PPM1H: variants seen among roughly 807,000 people sequenced by gnomAD.
The protein encoded by PPM1H is protein phosphatase, Mg2+/Mn2+ dependent 1H.
In PPM1H, 27 loss-of-function variants were observed where a neutral mutation model predicts 54.9. The ratio of observed to expected loss-of-function variants is 0.49; its 90% CI spans 0.36 to 0.68. The LOEUF (loss-of-function observed/expected upper bound fraction) is 0.68, where lower values mean the gene tolerates loss of function less well. Ranked by LOEUF, PPM1H falls within the 30% of genes least tolerant of loss-of-function variation. The pLI, the probability that PPM1H is intolerant of heterozygous loss-of-function variation, is 0.00. For missense variants in PPM1H, 596 were observed against 667.8 expected (o/e 0.89, Z 1.19); for synonymous variants, 305 against 270.8 (o/e 1.13, Z -1.24).
chr12:62,723,435 C>A (rs1267154817), intron 5 of PPM1H, among the ~76,000 whole-genome samples: 1 of 151,776 alleles, frequency 6.6e-6, no homozygotes, highest in Non-Finnish European at 1.5e-5. Flanking sequence ...TCCTAAAATT[C>A]ATGTGTTGGC....
chr12:62,782,864 G>A (rs1043411460), intron 4 of PPM1H, among the ~76,000 whole-genome samples: 18 of 152,118 alleles, frequency 1.2e-4, no homozygotes, highest in Non-Finnish European at 2.2e-4. Flanking sequence ...GTCTTACTCT[G>A]ACACCCAGGC....
chr12:62,914,300 G>A (rs975245924), intron 1 of PPM1H, among the ~76,000 whole-genome samples: 5 of 152,214 alleles, frequency 3.3e-5, no homozygotes, highest in Admixed American at 2.6e-4. Context: ...AGTGGAAGCA[G>A]CCAGAGGCTT....
At chr12:62,864,363 G>T (rs1357694041) in intron 1 of PPM1H, among the ~76,000 whole-genome samples, 6 of 152,128 alleles carry the variant, frequency 3.9e-5, no homozygotes, top group African/African-American at 1.4e-4. Flanking sequence ...ATCAGAAATA[G>T]GCATTATATT....
chr12:62,828,671 C>T (rs1438526371), intron 2 of PPM1H, among the ~76,000 whole-genome samples: 1 of 152,198 alleles, frequency 6.6e-6, no homozygotes, highest in Non-Finnish European at 1.5e-5. Context: ...ATCCAGTTCT[C>T]AGTACATAGC....
At chr12:62,846,056 G>C (rs573467560) in intron 1 of PPM1H, among the ~76,000 whole-genome samples, 123 of 152,154 alleles carry the variant, frequency 8.1e-4, no homozygotes, top group Non-Finnish European at 1.4e-3. Flanking sequence ...CATCCAGCAG[G>C]CACCAATATT....
chr12:62,890,225 C>T (rs1052889003), intron 1 of PPM1H, among the ~76,000 whole-genome samples: 3 of 152,152 alleles, frequency 2.0e-5, no homozygotes, highest in Admixed American at 6.5e-5. Flanking sequence ...CTTTAGGAGG[C>T]TGAAGTAGAA....
At chr12:62,789,479 A>G (rs1230045591) in intron 3 of PPM1H, among the ~76,000 whole-genome samples, 2 of 152,258 alleles carry the variant, frequency 1.3e-5, no homozygotes, top group Non-Finnish European at 2.9e-5. Flanking sequence ...ATGACTTATA[A>G]TGACTTAAAT....
chr12:62,932,044 T>A (rs1435162717), intron 1 of PPM1H, among the ~76,000 whole-genome samples: 4 of 151,172 alleles, frequency 2.6e-5, no homozygotes, highest in Admixed American at 2.6e-4. Flanking sequence ...CCCTCATTAC[T>A]CCTAGGGAGT....
At chr12:62,752,876 G>A (rs569956410) in intron 4 of PPM1H, among the ~76,000 whole-genome samples, 9 of 152,298 alleles carry the variant, frequency 5.9e-5, no homozygotes, top group South Asian at 2.1e-4. Context: ...CTTGGACAAC[G>A]AAGGACGATG....
chr12:62,820,939 T>C (rs1002085730), intron 2 of PPM1H, among the ~76,000 whole-genome samples: 8 of 152,142 alleles, frequency 5.3e-5, no homozygotes, highest in Admixed American at 4.6e-4. Flanking sequence ...CTGACAGAAG[T>C]AGGCTTCAGG....
chr12:62,728,142 C>G (rs2076300058), intron 5 of PPM1H, among the ~76,000 whole-genome samples: 1 of 152,086 alleles, frequency 6.6e-6, no homozygotes, highest in South Asian at 2.1e-4. Flanking sequence ...ACAAATATCA[C>G]CTGGGGGAAA....
At chr12:62,754,838 T>C (rs1471366656) in intron 4 of PPM1H, among the ~76,000 whole-genome samples, 1 of 152,126 alleles carries the variant, frequency 6.6e-6, no homozygotes, top group African/African-American at 2.4e-5. Context: ...TTAAAAACAG[T>C]CGAAATGTAA....
At chr12:62,664,353 A>T (rs1318765352) in intron 9 of PPM1H, among the ~76,000 whole-genome samples, 2 of 152,184 alleles carry the variant, frequency 1.3e-5, no homozygotes, top group Non-Finnish European at 2.9e-5. Flanking sequence ...GGTACTTTCT[A>T]ATTTTCATTA....
chr12:62,773,726 G>C (rs977021026), intron 4 of PPM1H, among the ~76,000 whole-genome samples: 1 of 152,102 alleles, frequency 6.6e-6, no homozygotes, highest in Non-Finnish European at 1.5e-5. Context: ...GGACCTCTGA[G>C]AGCCAGAAGG....
At chr12:62,921,265 A>AT (rs140214950) in intron 1 of PPM1H, among the ~76,000 whole-genome samples, 2 of 152,022 alleles carry the variant, frequency 1.3e-5, no homozygotes, top group East Asian at 1.9e-4. Context: ...TTATCACAAG[A>AT]TTTTTTTCCT....
intron 8 of PPM1H, among the ~76,000 whole-genome samples, chr12:62,686,732 G>A (rs535761959): frequency 3.9e-5 from 6 of 152,172 alleles, no homozygotes; most frequent in African/African-American, 7.2e-5. Context: ...TATTTCTACC[G>A]AGCTGACCTC....
chr12:62,783,365 A>G (rs1190208954), intron 4 of PPM1H, among the ~76,000 whole-genome samples: 1 of 152,226 alleles, frequency 6.6e-6, no homozygotes, highest in Admixed American at 6.5e-5. Context: ...AAGGTGTGCC[A>G]CTATTTCACA....
intron 1 of PPM1H, among the ~76,000 whole-genome samples, chr12:62,852,410 A>C (rs979183602): frequency 6.6e-6 from 1 of 152,042 alleles, no homozygotes; most frequent in African/African-American, 2.4e-5. Context: ...GAGGGCCCTC[A>C]CTGGAACCTG....
intron 9 of PPM1H, among the ~76,000 whole-genome samples, chr12:62,660,788 G>A (rs2075878259): frequency 6.6e-6 from 1 of 152,138 alleles, no homozygotes; most frequent in South Asian, 2.1e-4. Flanking sequence ...TCTGAGCAAA[G>A]GTTTCTTGGC....
Sources: gnomAD v4.1 joint callset for allele counts (sites outside exome capture counted in the v4.1 genomes callset) on GRCh38, gnomAD v4.1.1 for gene constraint, MANE v1.5 for transcripts, NCBI Gene and HGNC (gene_info 2026-07-23, HGNC 2026-07-21) for gene names.